Variants in ATP7B observed in about 807,000 individuals in gnomAD.
ATP7B encodes ATPase copper transporting beta, also known as copper-transporting ATPase 2.
ATP7B carries 113 observed loss-of-function variants against 118.9 expected under a neutral mutation model. The ratio of observed to expected loss-of-function variants is 0.95; its 90% CI spans 0.82 to 1.11. ATP7B has a LOEUF of 1.11. Ranked by LOEUF, ATP7B falls within the 50% of genes most tolerant of loss-of-function variation. The probability of loss-of-function intolerance (pLI) is 0.00; values close to 1 mark genes in which losing one functional copy is unlikely to be tolerated. For missense variants in ATP7B, 1,867 were observed against 1,871.4 expected (o/e 1.00, Z 0.04); for synonymous variants, 777 against 727.4 (o/e 1.07, Z -1.10).
chr13:51,964,373 T>TG (rs1400026427), intron 5 of ATP7B, among the ~76,000 whole-genome samples: 1 of 152,122 alleles, frequency 6.6e-6, no homozygotes, highest in East Asian at 1.9e-4. Context: ...GTGGACAAAC[T>TG]GGGAAGGGAG....
chr13:51,940,573 AG>A (rs1345818163), intron 16 of ATP7B, among the ~76,000 whole-genome samples: 1 of 151,956 alleles, frequency 6.6e-6, no homozygotes, highest in Non-Finnish European at 1.5e-5. Context: ...TGAACCCGGA[AG>A]GTGGAGCTTG....
intron 1 of ATP7B, among the ~76,000 whole-genome samples, chr13:52,004,335 G>A (rs913047038): frequency 3.3e-5 from 5 of 152,230 alleles, no homozygotes; most frequent in East Asian, 1.9e-4. Flanking sequence ...ATACACGGCT[G>A]CAGCACCAAC....
intron 1 of ATP7B, chr13:51,979,003 G>C (rs551519547): frequency 1.3e-5 from 2 of 152,408 alleles, no homozygotes; most frequent in East Asian, 1.9e-4. Context: ...GCAGGGACCC[G>C]GTTCTCTTCC....
rs1958913232 is a variant in ATP7B, at chr13:51,963,818, G to C, written c.1869+1054C>G. Among the ~76,000 whole-genome samples the C allele has an allele frequency of 5.3e-5, 8 of 151,026 alleles. No homozygotes were observed. The South Asian group carries it at 1.7e-3, about 32-fold the overall frequency. On this transcript the variant is annotated intron_variant, in intron 5 of 20. Coordinates refer to ENST00000242839, the MANE Select transcript of ATP7B (RefSeq NM_000053.4). ...TAATCCTAGCACTTTGGGAAGCCCA[G>C]GCAGGTGGATCACCTAAGGTGTCAG...
intron 2 of ATP7B, among the ~76,000 whole-genome samples, chr13:51,971,573 C>T (rs967743724): frequency 3.9e-5 from 6 of 152,212 alleles, no homozygotes; most frequent in Admixed American, 2.6e-4. Context: ...AAACATCACA[C>T]AAAAACAGGC....
At chr13:51,985,784 C>T (rs4941723) in intron 1 of ATP7B, among the ~76,000 whole-genome samples, 89,699 of 152,062 alleles carry the variant, frequency 0.59, 28,334 homozygotes, top group Non-Finnish European at 0.71. Context: ...TGTAAAACTA[C>T]ATGGAAACTG....
intron 1 of ATP7B, among the ~76,000 whole-genome samples, chr13:52,004,336 C>CA (rs778069784): frequency 3.3e-5 from 5 of 152,212 alleles, no homozygotes; most frequent in Non-Finnish European, 7.3e-5. Flanking sequence ...TACACGGCTG[C>CA]AGCACCAACA....
rs745918596 is a variant in ATP7B, at chr13:51,939,113, C to T, written c.3637G>A (p.Gly1213Ser). ...ALAVHTLQSMGVDVVLITGDN... is the reference protein window; with the variant it reads ...ALAVHTLQSMSVDVVLITGDN... Reference sequence around the variant, plus strand: ...CCCGTGATCAGAACCACGTCCACACCCATGCTCTGCAGCGTGTGCACAGCC... The same window carrying T: ...CCCGTGATCAGAACCACGTCCACACTCATGCTCTGCAGCGTGTGCACAGCC... Residue 1213 changes from glycine (G) to serine (S), a missense_variant, in exon 17 of 21, where the codon GGT becomes AGT. Gly to Ser is a moderately conservative substitution (Grantham distance 56). Coordinates refer to ENST00000242839, the MANE Select transcript of ATP7B (RefSeq NM_000053.4). 1.2e-5 allele frequency: 19 copies of T among 1,614,100 alleles called. No homozygotes were observed. The highest frequency in any genetic ancestry group is 3.3e-5 in the Admixed American group (2 of 60,016).
chr13:51,976,345 C>T (rs1952119912), intron 1 of ATP7B, among the ~76,000 whole-genome samples: 1 of 152,178 alleles, frequency 6.6e-6, no homozygotes, highest in African/African-American at 2.4e-5. Flanking sequence ...CTTAACAACA[C>T]AAATGTTTAA....
chr13:51,955,203 C>G (rs1277839407), intron 9 of ATP7B, among the ~76,000 whole-genome samples: 1 of 152,188 alleles, frequency 6.6e-6, no homozygotes, highest in East Asian at 1.9e-4. Context: ...AGCAGAGGCC[C>G]AGACGCGGGA....
chr13:51,971,700 G>C (rs1951851470), intron 2 of ATP7B, among the ~76,000 whole-genome samples: 1 of 152,168 alleles, frequency 6.6e-6, no homozygotes, highest in South Asian at 2.1e-4. Context: ...TGATACAAAA[G>C]ACAAAGCACA....
chr13:51,944,310 A>C lies in ATP7B; in HGVS notation c.3061-19T>G. The C allele has an allele frequency of 6.2e-7, 1 of 1,613,204 alleles. No homozygotes were observed. The highest frequency in any genetic ancestry group is 8.5e-7 in the Non-Finnish European group (1 of 1,179,870). On this transcript the variant is annotated intron_variant, in intron 13 of 20. Transcript: ENST00000242839. ...TCTTTATCTGCCAAAAACAACCACA[A>C]CTCACTGACCACAATACAGATGGAG...
intron 1 of ATP7B, among the ~76,000 whole-genome samples, chr13:52,002,684 G>A (rs1272127138): frequency 6.6e-6 from 1 of 151,970 alleles, no homozygotes; most frequent in Admixed American, 6.6e-5. Context: ...AGGGATCTAA[G>A]CTCAAATACA....
chr13:52,005,529 T>C (rs1264349668), intron 1 of ATP7B, among the ~76,000 whole-genome samples: 3 of 152,216 alleles, frequency 2.0e-5, no homozygotes, highest in Non-Finnish European at 4.4e-5. Context: ...TAAGACCTCA[T>C]CAAAATGACC....
At chr13:51,971,860 G>T (rs962033917) in intron 2 of ATP7B, among the ~76,000 whole-genome samples, 3 of 152,214 alleles carry the variant, frequency 2.0e-5, no homozygotes, top group African/African-American at 7.2e-5. Flanking sequence ...AAATGATGTG[G>T]GAAACCAAAG....
chr13:51,940,000 CTTTTTTTTTTTTTTTT>C lies in ATP7B; in HGVS notation c.3557-823_3557-808del, dbSNP rs10555680. 1.1e-3 allele frequency among the ~76,000 whole-genome samples: 55 copies of C among 52,342 alleles called. 1 individual carries two copies. The highest frequency in any genetic ancestry group is 1.5e-3 in the Non-Finnish European group (48 of 31,172). 34.3% of individuals were successfully genotyped at this position (52,342 alleles called of 152,430 possible). A position where few individuals can be genotyped will look rare whatever the true frequency, so the allele number is the denominator to read the frequency against. On this transcript the variant is annotated intron_variant, in intron 16 of 20. Coordinates refer to ENST00000242839, the MANE Select transcript of ATP7B (RefSeq NM_000053.4). ...ATCTGAGCACTAAAACACATGCAGT[CTTTTTTTTTTTTTTTT>C]TTTTTTTTTTTTTGAGACAGAGTTA...
intron 1 of ATP7B, among the ~76,000 whole-genome samples, chr13:51,999,533 T>C (rs1392070355): frequency 6.6e-6 from 1 of 152,210 alleles, no homozygotes; most frequent in African/African-American, 2.4e-5. Flanking sequence ...AGAGATGGGA[T>C]GGCCAAAAAG....
chr13:51,971,309 T>C lies in ATP7B; in HGVS notation c.1286-560A>G, dbSNP rs77611236. Among the ~76,000 whole-genome samples, 89 of 152,372 alleles carry C rather than the reference T, an allele frequency of 5.8e-4. 2 individuals carry two copies. The East Asian group carries it at 0.014, about 25-fold the overall frequency. ...TGTCATGAATATTGAGCTGGACATGTTTATACTAAAAAACCATTCATTGTT... is the reference window on the plus strand; with the variant it reads ...TGTCATGAATATTGAGCTGGACATGCTTATACTAAAAAACCATTCATTGTT... On this transcript the variant is annotated intron_variant, in intron 2 of 20. Transcript: ENST00000242839.
At chr13:51,993,261 A>G (rs954394870) in intron 1 of ATP7B, among the ~76,000 whole-genome samples, 3 of 151,382 alleles carry the variant, frequency 2.0e-5, no homozygotes, top group Admixed American at 1.3e-4. Flanking sequence ...TACTTTTATA[A>G]TCAGAGCTTT....
Sources: gnomAD v4.1 joint callset for allele counts (sites outside exome capture counted in the v4.1 genomes callset) on GRCh38, gnomAD v4.1.1 for gene constraint, MANE v1.5 for transcripts, NCBI Gene and HGNC (gene_info 2026-07-23, HGNC 2026-07-21) for gene names.